The following WDR19 variants were observed in gnomAD, a reference collection of about 807,000 sequenced individuals.
WDR19 encodes WD repeat-containing protein 19.
In WDR19, 121 loss-of-function variants were observed where a neutral mutation model predicts 180.0. The observed-to-expected ratio is 0.67, with a 90% CI of 0.58 to 0.78. WDR19 has a LOEUF of 0.78. Among genes scored for constraint, WDR19 ranks in the 30% least tolerant of loss-of-function variants. WDR19 has a pLI of 0.00. For missense variants in WDR19, 1,450 were observed against 1,640.7 expected, an observed-to-expected ratio of 0.88 and a Z score of 2.01; for synonymous variants, 497 against 540.7, an observed-to-expected ratio of 0.92 and a Z score of 1.12.
chr4:39,231,944 G>T lies in WDR19; in HGVS notation c.2130G>T (p.Leu710Phe). The T allele has an allele frequency of 6.2e-7, 1 of 1,612,744 alleles. No individual in the cohort carries two copies. The highest frequency in any genetic ancestry group is 8.5e-7 in the Non-Finnish European group (1 of 1,179,032). The part of the protein sequence containing the change: ...RIGNVGIVMS[L>F]EQIKGIEDYN... ...GAAATGTTGGCATAGTGATGTCCTT[G>T]GAACAAATAAAGGTAAACAGCATGT... The change falls in exon 18 of 37, where the codon TTG (leucine) becomes TTT (phenylalanine). Residue 710 changes from leucine to phenylalanine, a missense_variant. Transcript: ENST00000399820.
At chr4:39,242,153 C>T (rs1057080785) in intron 21 of WDR19, among the ~76,000 whole-genome samples, 7 of 152,122 alleles carry the variant, frequency 4.6e-5, no homozygotes, top group Admixed American at 2.6e-4. Flanking sequence ...CAGCCTCAAA[C>T]TCCTGGGCTC....
chr4:39,236,029 T>C (rs1041686273), intron 20 of WDR19, among the ~76,000 whole-genome samples: 4 of 152,204 alleles, frequency 2.6e-5, no homozygotes, highest in African/African-American at 7.2e-5. Context: ...TTATATACTG[T>C]TGATAGGAAT....
intron 28 of WDR19, among the ~76,000 whole-genome samples, chr4:39,258,514 A>T (rs1578012378): frequency 6.6e-6 from 1 of 152,168 alleles, no homozygotes; most frequent in Non-Finnish European, 1.5e-5. Flanking sequence ...ACTACAATTT[A>T]TTTACCCCTT....
chr4:39,194,787 C>T lies in WDR19; in HGVS notation c.406+128C>T, dbSNP rs35702826. On this transcript the variant is annotated intron_variant, in intron 5 of 36. Transcript: ENST00000399820. ...TACAAACCCCCTCCCCATGTCCCTC[C>T]GCAAGTCTTACATTTAGCTAAACAT... 0.11 allele frequency: 68,669 copies of T among 633,578 alleles called. 4,370 individuals carry two copies. Among genetic ancestry groups the T allele is most frequent in the East Asian group, 0.18 (6,643 of 35,980 alleles). 39.2% of individuals were successfully genotyped at this position (633,578 alleles called of 1,614,324 possible).
chr4:39,206,318 G>A (rs181641380), intron 9 of WDR19, among the ~76,000 whole-genome samples: 261 of 152,224 alleles, frequency 1.7e-3, no homozygotes, highest in Non-Finnish European at 2.9e-3. Context: ...TAATGCTCCA[G>A]CCACCAAGCA....
At chr4:39,215,050 G>A (rs1242111091) in intron 10 of WDR19, among the ~76,000 whole-genome samples, 1 of 152,144 alleles carries the variant, frequency 6.6e-6, no homozygotes, top group East Asian at 1.9e-4. Context: ...TGGGATTATA[G>A]GCGTGAGCCA....
At position 39,223,525 on chromosome 4, in the gene WDR19, T is replaced by C. The variant is rs532394826; in HGVS notation, c.1480-1359T>C. 9.2e-5 allele frequency among the ~76,000 whole-genome samples: 14 copies of C among 151,978 alleles called. No individual in the cohort carries two copies. In the East Asian group the frequency reaches 2.7e-3, roughly 29 times the overall value. On this transcript the variant is annotated intron_variant, in intron 14 of 36. Transcript: ENST00000399820. ...TTTGTATTTTTAGTAGAGACGGGGT[T>C]TCACCATGTTTTAGTAGAGATGGGG...
Position 39,216,143 on chromosome 4 carries a change from A to G in WDR19, c.1182A>G (p.Ala394=), listed in dbSNP as rs769687203. The G allele has an allele frequency of 5.0e-6, 8 of 1,594,860 alleles. No individual in the cohort carries two copies. Among genetic ancestry groups the G allele is most frequent in the Non-Finnish European group, 6.8e-6 (8 of 1,170,296 alleles). Residue 394 remains alanine (A), a synonymous_variant, in exon 12 of 37, where the codon GCA becomes GCG. Transcript: ENST00000399820. ...VSVDVEPNFV[A]VGLYHLAVGM... is the part of the protein sequence containing the mutation. ...TTGATGTGGAACCCAACTTTGTGGC[A>G]GTAGGTCTTTATCATCTGGCTGTAG...
intron 34 of WDR19, among the ~76,000 whole-genome samples, chr4:39,277,367 C>T (rs922307469): frequency 6.6e-6 from 1 of 152,160 alleles, no homozygotes; most frequent in African/African-American, 2.4e-5. Context: ...AGCACAGACT[C>T]GGGGATCAGA....
At chr4:39,257,368 T>A in intron 27 of WDR19, 118 bp from the exon 28 acceptor site, 2 of 945,020 alleles carry the variant, frequency 2.1e-6, no homozygotes, top group Non-Finnish European at 3.2e-6. Flanking sequence ...AGCCCCTGGT[T>A]GAGATGAAGA....
intron 21 of WDR19, among the ~76,000 whole-genome samples, chr4:39,241,206 A>G (rs1347601982): frequency 6.6e-6 from 1 of 152,168 alleles, no homozygotes; most frequent in East Asian, 1.9e-4. Flanking sequence ...TGTTTTATAT[A>G]TAGCATTTTT....
intron 9 of WDR19, among the ~76,000 whole-genome samples, chr4:39,206,439 A>T (rs547326573): frequency 2.0e-5 from 3 of 152,298 alleles, no homozygotes; most frequent in African/African-American, 7.2e-5. Flanking sequence ...CTTCAAGAAG[A>T]TAGGGCAAAC....
intron 31 of WDR19, among the ~76,000 whole-genome samples, chr4:39,272,539 C>A (rs1735472101): frequency 6.6e-6 from 1 of 152,220 alleles, no homozygotes; most frequent in South Asian, 2.1e-4. Flanking sequence ...GTGTCACTGA[C>A]CCTCCTGGTC....
Position 39,205,743 on chromosome 4 carries a change from T to G in WDR19, c.890+7T>G. On this transcript the variant is annotated splice_region_variant and intron_variant, in intron 9 of 36. Coordinates refer to ENST00000399820, the MANE Select transcript of WDR19 (RefSeq NM_025132.4). The stretch of plus-strand genomic sequence containing the variant: ...CTACATGTGGAGATAACTGGTAAGT[T>G]ATTTTCACATATTTTTAGGAAAGCT... The G allele has an allele frequency of 1.3e-6, 2 of 1,574,932 alleles. No homozygotes were observed. Among genetic ancestry groups the G allele is most frequent in the Non-Finnish European group, 8.6e-7 (1 of 1,158,834 alleles).
intron 1 of WDR19, among the ~76,000 whole-genome samples, chr4:39,183,217 C>A (rs946748704): frequency 6.8e-6 from 1 of 146,554 alleles, no homozygotes; most frequent in Non-Finnish European, 1.5e-5. Context: ...AGAGCAGTCC[C>A]CCCTTGCTCT....
Position 39,273,008 on chromosome 4 carries a change from A to C in WDR19, c.3512A>C (p.Lys1171Thr). 2 of 1,605,490 alleles carry C rather than the reference A, an allele frequency of 1.2e-6. No individual in the cohort carries two copies. The part of the protein sequence containing the change: ...KIHVKNGDHM[K>T]GARMLIRVAN... The stretch of plus-strand genomic sequence containing the variant: ...CATGTTAAAAATGGAGATCACATGA[A>C]AGGGGCTCGCATGCTCATTCGGGTG... The change falls in exon 32 of 37, where the codon AAA (lysine) becomes ACA (threonine). Residue 1171 changes from lysine (K) to threonine (T), a missense_variant. Lys to Thr is a moderately conservative substitution (Grantham distance 78). Transcript: ENST00000399820.
chr4:39,283,843 G>C (rs1161623305), intron 36 of WDR19, among the ~76,000 whole-genome samples: 1 of 152,056 alleles, frequency 6.6e-6, no homozygotes, highest in African/African-American at 2.4e-5. Context: ...AGGTTTGCTG[G>C]TGACTTCTTC....
At chr4:39,243,707 T>C (rs919614987) in intron 21 of WDR19, among the ~76,000 whole-genome samples, 11 of 152,340 alleles carry the variant, frequency 7.2e-5, no homozygotes, top group African/African-American at 2.4e-4. Context: ...ACAGATCATT[T>C]CTGTCATCAC....
At chr4:39,272,122 G>A (rs1275429781) in intron 31 of WDR19, among the ~76,000 whole-genome samples, 1 of 152,174 alleles carries the variant, frequency 6.6e-6, no homozygotes, top group African/African-American at 2.4e-5. Flanking sequence ...AAGGAGAGAA[G>A]TCTTTCTCAG....
Sources: gnomAD v4.1 joint callset for allele counts (sites outside exome capture counted in the v4.1 genomes callset) on GRCh38, gnomAD v4.1.1 for gene constraint, MANE v1.5 for transcripts, NCBI Gene and HGNC (gene_info 2026-07-23, HGNC 2026-07-21) for gene names.